The following ADK variants were observed in gnomAD, a reference collection of about 807,000 sequenced individuals.
ADK encodes N6,N6-dimethyladenosine kinase.
In ADK, 24 loss-of-function variants were observed where a neutral mutation model predicts 44.7. The observed-to-expected ratio is 0.54, with a 90% CI of 0.39 to 0.76. ADK has a LOEUF of 0.76. Among genes scored for constraint, ADK ranks in the 30% least tolerant of loss-of-function variants. ADK has a pLI of 0.00. For missense variants in ADK, 321 were observed against 425.1 expected, an observed-to-expected ratio of 0.76 and a Z score of 2.15; for synonymous variants, 128 against 142.6, an observed-to-expected ratio of 0.90 and a Z score of 0.73.
intron 3 of ADK, 22 bp downstream of exon 3, chr10:74,224,613 T>A (rs1467541022): frequency 3.1e-6 from 5 of 1,594,984 alleles, no homozygotes; most frequent in Non-Finnish European, 4.3e-6. Context: ...AAACCATTGG[T>A]TGTAAATAGT....
chr10:74,408,012 G>A (rs1407390863), intron 6 of ADK, among the ~76,000 whole-genome samples: 2 of 151,564 alleles, frequency 1.3e-5, no homozygotes, highest in Admixed American at 1.3e-4. Context: ...TTGAGTCTCA[G>A]TCTGTTGCCC....
At chr10:74,294,154 G>T (rs528013262) in intron 3 of ADK, among the ~76,000 whole-genome samples, 1 of 152,038 alleles carries the variant, frequency 6.6e-6, no homozygotes, top group East Asian at 1.9e-4. Flanking sequence ...ATTTATCTCA[G>T]TTTATTTTTA....
chr10:74,330,831 A>C (rs564053157), intron 4 of ADK, among the ~76,000 whole-genome samples: 2 of 152,194 alleles, frequency 1.3e-5, no homozygotes, highest in African/African-American at 4.8e-5. Context: ...GAGACACCCC[A>C]AGAGAGAACT....
chr10:74,163,735 C>G (rs138121513), intron 1 of ADK, among the ~76,000 whole-genome samples: 115 of 152,226 alleles, frequency 7.6e-4, no homozygotes, highest in African/African-American at 2.7e-3. Flanking sequence ...GAATGGCAGT[C>G]TGAAAAATTA....
intron 9 of ADK, among the ~76,000 whole-genome samples, chr10:74,606,271 G>A (rs898397847): frequency 2.0e-5 from 3 of 152,038 alleles, no homozygotes; most frequent in African/African-American, 7.2e-5. Context: ...GTTATTTCTT[G>A]CCTTCTGCTA....
chr10:74,696,114 G>A (rs12772349), intron 10 of ADK, among the ~76,000 whole-genome samples: 35,376 of 151,772 alleles, frequency 0.23, 5,254 homozygotes, highest in East Asian at 0.69. Flanking sequence ...TCCACCTCCC[G>A]GATTCAAGCA....
intron 4 of ADK, among the ~76,000 whole-genome samples, chr10:74,386,728 A>C (rs1843154365): frequency 6.6e-6 from 1 of 152,052 alleles, no homozygotes; most frequent in Admixed American, 6.6e-5. Context: ...TCCTTCCCAC[A>C]TAGTTGCTTT....
intron 4 of ADK, among the ~76,000 whole-genome samples, chr10:74,343,660 G>A (rs957756001): frequency 3.3e-5 from 5 of 152,138 alleles, no homozygotes; most frequent in East Asian, 1.9e-4. Flanking sequence ...CCAGGTTAGC[G>A]TGCAATGGCA....
In ADK at chr10:74,272,990, G is replaced by C. The variant is rs1846496095; in HGVS notation, c.195-41677G>C. Among the ~76,000 whole-genome samples, 4 of 152,312 alleles carry C rather than the reference G, an allele frequency of 2.6e-5. No individual in the cohort carries two copies. The South Asian group carries it at 8.3e-4, about 32-fold the overall frequency. ...TGTAATTAGAAGAAGTAGAAAAGAA[G>C]AGAAAGGGTGAATAATAAGAGATGA... On this transcript the variant is annotated intron_variant, in intron 3 of 10. Transcript: ENST00000539909.
chr10:74,316,608 A>G (rs1840629916), intron 4 of ADK, among the ~76,000 whole-genome samples: 1 of 152,216 alleles, frequency 6.6e-6, no homozygotes, highest in Non-Finnish European at 1.5e-5. Flanking sequence ...TGCCATGATT[A>G]TAAGTTTTCA....
chr10:74,569,296 G>A (rs1488285522), intron 7 of ADK, among the ~76,000 whole-genome samples: 2 of 152,146 alleles, frequency 1.3e-5, no homozygotes, highest in African/African-American at 4.8e-5. Flanking sequence ...ATACCCAGTA[G>A]TGGGATTGCT....
chr10:74,341,844 T>G (rs955295231), intron 4 of ADK, among the ~76,000 whole-genome samples: 2 of 152,204 alleles, frequency 1.3e-5, no homozygotes, highest in Non-Finnish European at 2.9e-5. Context: ...TGCTCAAATT[T>G]GTACTATTCT....
intron 6 of ADK, among the ~76,000 whole-genome samples, chr10:74,490,983 C>T (rs1199336709): frequency 6.6e-6 from 1 of 152,086 alleles, no homozygotes; most frequent in Non-Finnish European, 1.5e-5. Flanking sequence ...ATGTACTTCT[C>T]TCTGGGGTTT....
chr10:74,314,793 C>A, intron 4 of ADK, 48 bp downstream of exon 4: 2 of 1,334,758 alleles, frequency 1.5e-6, no homozygotes, highest in South Asian at 1.2e-5. Flanking sequence ...TGATTCTAGA[C>A]CCATGTCTAT....
intron 4 of ADK, among the ~76,000 whole-genome samples, chr10:74,374,004 C>G (rs10824161): frequency 0.16 from 24,370 of 151,978 alleles, 2,287 homozygotes; most frequent in African/African-American, 0.26. Context: ...TTGAAAATAT[C>G]GTGCTAAATG....
At chr10:74,602,826 T>TG (rs1564814609) in intron 9 of ADK, among the ~76,000 whole-genome samples, 2 of 152,224 alleles carry the variant, frequency 1.3e-5, no homozygotes, top group African/African-American at 4.8e-5. Context: ...TGTAGCTGAA[T>TG]CTCTTTGCTA....
chr10:74,397,564 G>GT (rs1373555175), intron 5 of ADK, among the ~76,000 whole-genome samples: 5 of 151,964 alleles, frequency 3.3e-5, no homozygotes, highest in Non-Finnish European at 5.9e-5. Context: ...TAGAGATGTG[G>GT]TTTTGCCTTG....
chr10:74,456,403 G>A (rs1375401949), intron 6 of ADK, among the ~76,000 whole-genome samples: 5 of 151,952 alleles, frequency 3.3e-5, no homozygotes, highest in Admixed American at 6.6e-5. Flanking sequence ...GGCTGGGCGC[G>A]GTGGTTCACG....
chr10:74,304,560 A>G (rs1210629782), intron 3 of ADK, among the ~76,000 whole-genome samples: 2 of 152,224 alleles, frequency 1.3e-5, no homozygotes, highest in Non-Finnish European at 2.9e-5. Context: ...GGGATACAAG[A>G]TAAATAATTT....
Sources: gnomAD v4.1 joint callset for allele counts (sites outside exome capture counted in the v4.1 genomes callset) on GRCh38, gnomAD v4.1.1 for gene constraint, MANE v1.5 for transcripts, NCBI Gene and HGNC (gene_info 2026-07-23, HGNC 2026-07-21) for gene names.